Variants in SENP7 observed in about 807,000 individuals in gnomAD.
SENP7 encodes sentrin-specific protease 7.
SENP7 carries 64 observed loss-of-function variants against 141.2 expected under a neutral mutation model. The observed-to-expected ratio is 0.45, with a 90% CI of 0.37 to 0.56. The LOEUF is 0.56. Ranked by LOEUF, SENP7 falls within the 20% of genes least tolerant of loss-of-function variation. The probability of loss-of-function intolerance (pLI) is 0.00; values close to 1 mark genes in which losing one functional copy is unlikely to be tolerated. For missense variants in SENP7, 1,025 were observed against 1,212.2 expected (o/e 0.85, Z 2.29); for synonymous variants, 382 against 426.4 (o/e 0.90, Z 1.28).
intron 4 of SENP7, among the ~76,000 whole-genome samples, chr3:101,422,783 T>C (rs2061829414): frequency 6.6e-6 from 1 of 152,082 alleles, no homozygotes; most frequent in Non-Finnish European, 1.5e-5. Context: ...TATGAGAAAT[T>C]TTATAATTGT....
chr3:101,361,081 T>C (rs535959861), intron 11 of SENP7, among the ~76,000 whole-genome samples: 16 of 152,214 alleles, frequency 1.1e-4, no homozygotes, highest in African/African-American at 3.9e-4. Flanking sequence ...GCCACGCACC[T>C]GTAGTCCCAG....
intron 3 of SENP7, among the ~76,000 whole-genome samples, chr3:101,479,655 A>G (rs2064366201): frequency 6.6e-6 from 1 of 151,464 alleles, no homozygotes; most frequent in East Asian, 1.9e-4. Context: ...ATGATGAACG[A>G]CACAAAATCA....
At chr3:101,445,017 T>C (rs2062836060) in intron 4 of SENP7, among the ~76,000 whole-genome samples, 1 of 152,054 alleles carries the variant, frequency 6.6e-6, no homozygotes, top group Admixed American at 6.6e-5. Flanking sequence ...TCCAAGACAC[T>C]AAACTTCTCC....
Position 101,457,824 on chromosome 3 carries a change from G to A in SENP7, c.284+1131C>T, listed in dbSNP as rs1032043403. ...CTGAGATTAGGCGCACACATGCGGAGATGCAAGACGGCAGCTAAAGGGGAA... is the reference window on the plus strand; with the variant it reads ...CTGAGATTAGGCGCACACATGCGGAAATGCAAGACGGCAGCTAAAGGGGAA... On this transcript the variant is annotated intron_variant, in intron 4 of 23. Transcript: ENST00000394095. 7.0e-6 allele frequency: 4 copies of A among 572,462 alleles called. No homozygotes were observed. In the African/African-American group the frequency reaches 7.5e-5, roughly 11 times the overall value. The allele number at this position is 572,462 out of a possible 1,614,324, so 35.5% of individuals were successfully genotyped here.
At chr3:101,437,879 C>G (rs916362655) in intron 4 of SENP7, among the ~76,000 whole-genome samples, 2 of 151,006 alleles carry the variant, frequency 1.3e-5, no homozygotes, top group Non-Finnish European at 2.9e-5. Context: ...GCAATTAAGA[C>G]TACAATGAAA....
intron 4 of SENP7, among the ~76,000 whole-genome samples, chr3:101,430,402 T>C (rs2062119069): frequency 6.6e-6 from 1 of 152,232 alleles, no homozygotes; most frequent in African/African-American, 2.4e-5. Context: ...AATTTCTTCC[T>C]GGTTTAATCT....
At chr3:101,358,945 A>G (rs2059818375) in intron 11 of SENP7, 1 of 152,388 alleles carries the variant, frequency 6.6e-6, no homozygotes, top group Non-Finnish European at 1.5e-5. Flanking sequence ...ATAAGTTCTC[A>G]ATTCTTAAGA....
intron 4 of SENP7, among the ~76,000 whole-genome samples, chr3:101,446,919 A>C (rs1201589490): frequency 4.6e-5 from 7 of 152,204 alleles, no homozygotes; most frequent in Admixed American, 4.6e-4. Context: ...AGATCAGAGT[A>C]GAAATAAACA....
rs148302153 is a variant in SENP7 at position 101,355,183 on chromosome 3, A to G, written c.1624-3532T>C. On this transcript the variant is annotated intron_variant, in intron 11 of 23. Transcript: ENST00000394095. ...TGTAGGTTGTCTGTTTACTCTGCTG[A>G]TAGTTTCTTTTGCTGTGCAGAAGTT... Among the ~76,000 whole-genome samples, 1,032 of 151,998 alleles carry G rather than the reference A, an allele frequency of 6.8e-3. 8 individuals are homozygous for G. Among genetic ancestry groups the G allele is most frequent in the African/African-American group, 0.024 (987 of 41,464 alleles).
At chr3:101,407,031 G>A (rs1576250197) in intron 5 of SENP7, among the ~76,000 whole-genome samples, 1 of 152,072 alleles carries the variant, frequency 6.6e-6, no homozygotes, top group African/African-American at 2.4e-5. Flanking sequence ...AAGAGAATTC[G>A]CCATTACCAA....
At position 101,361,848 on chromosome 3, in the gene SENP7, A is replaced by G; in HGVS notation, c.1490T>C (p.Leu497Ser). The change falls in exon 11 of 24, where the codon TTA becomes TCA. Residue 497 changes from leucine (L) to serine (S), a missense_variant. Leu to Ser is a moderately radical substitution (Grantham distance 145). Coordinates refer to ENST00000394095, the MANE Select transcript of SENP7 (RefSeq NM_020654.5). ...TCESVQMSSE[L>S]CPYNPVMENI... Reference sequence around the variant, plus strand: ...CTCCATGACAGGATTATATGGGCATAATTCAGATGACATCTAACAAGGAAT... The same window carrying G: ...CTCCATGACAGGATTATATGGGCATGATTCAGATGACATCTAACAAGGAAT... The G allele has an allele frequency of 6.2e-7, 1 of 1,601,520 alleles. No homozygotes were observed. The highest frequency in any genetic ancestry group is 8.5e-7 in the Non-Finnish European group (1 of 1,176,250).
At chr3:101,460,414 T>C (rs1559860734) in intron 3 of SENP7, among the ~76,000 whole-genome samples, 1 of 152,208 alleles carries the variant, frequency 6.6e-6, no homozygotes, top group Non-Finnish European at 1.5e-5. Flanking sequence ...ATAATTGATT[T>C]TCAGCAAGGA....
intron 4 of SENP7, among the ~76,000 whole-genome samples, chr3:101,454,217 T>C (rs1049970494): frequency 1.3e-5 from 2 of 152,160 alleles, no homozygotes; most frequent in African/African-American, 4.8e-5. Flanking sequence ...AATGAAAACA[T>C]ATGTATGTCT....
rs573541693 is a variant in SENP7, at chr3:101,403,850, G to A, written c.483-4795C>T. On this transcript the variant is annotated intron_variant, in intron 5 of 23. Transcript: ENST00000394095. Reference sequence around the variant, plus strand: ...GCCACAAAAAGAATAATATACCTCTGAATACAGCTAACCAGGGAGGTGAAA... The same window carrying A: ...GCCACAAAAAGAATAATATACCTCTAAATACAGCTAACCAGGGAGGTGAAA... Among the ~76,000 whole-genome samples the A allele has an allele frequency of 3.9e-5, 6 of 152,190 alleles. No homozygotes were observed. The East Asian group carries it at 9.7e-4, about 25-fold the overall frequency.
intron 4 of SENP7, chr3:101,457,129 G>C: frequency 1.3e-6 from 1 of 743,506 alleles, no homozygotes; most frequent in South Asian, 1.6e-5. Flanking sequence ...AAAAATATTA[G>C]AGATCTAGAT....
intron 6 of SENP7, among the ~76,000 whole-genome samples, chr3:101,392,607 T>C (rs2060847401): frequency 6.6e-6 from 1 of 152,164 alleles, no homozygotes; most frequent in Admixed American, 6.5e-5. Context: ...AAAATGACCA[T>C]ACTTCCCAAA....
chr3:101,452,075 C>T (rs2107834511), intron 4 of SENP7, among the ~76,000 whole-genome samples: 1 of 152,204 alleles, frequency 6.6e-6, no homozygotes, highest in Admixed American at 6.5e-5. Context: ...CAATAACAGA[C>T]AAACAGAGAG....
chr3:101,337,690 C>A, intron 16 of SENP7, 59 bp from the exon 17 acceptor site: 3 of 1,370,626 alleles, frequency 2.2e-6, no homozygotes, highest in South Asian at 3.2e-5. Context: ...GGTCGTCCCC[C>A]AGTTGTCTTA....
At chr3:101,464,360 C>T (rs1318337607) in intron 3 of SENP7, among the ~76,000 whole-genome samples, 5 of 152,102 alleles carry the variant, frequency 3.3e-5, no homozygotes, top group African/African-American at 7.2e-5. Flanking sequence ...GGAACCAGGC[C>T]GCACAGCAGG....
Sources: allele counts gnomAD v4.1 joint callset (sites outside exome capture counted in the v4.1 genomes callset), GRCh38; gene constraint gnomAD v4.1.1; transcripts MANE v1.5; gene names NCBI Gene and HGNC (gene_info 2026-07-23, HGNC 2026-07-21).